The following N4BP2L2 variants were observed in gnomAD, a reference collection of about 807,000 sequenced individuals.
The protein encoded by N4BP2L2 is NEDD4 binding protein 2 like 2.
N4BP2L2 carries 50 observed loss-of-function variants against 56.2 expected under a neutral mutation model. The observed-to-expected ratio is 0.89, with a 90% CI of 0.71 to 1.13. The LOEUF is 1.13. Among genes scored for constraint, N4BP2L2 ranks in the 50% most tolerant of loss-of-function variants. The pLI is 0.00. For synonymous variants in N4BP2L2, 203 were observed against 223.6 expected (o/e 0.91, Z 0.82); for missense variants, 689 against 693.8 (o/e 0.99, Z 0.08).
intron 6 of N4BP2L2, among the ~76,000 whole-genome samples, chr13:32,446,057 C>A (rs188319870): frequency 3.3e-5 from 5 of 152,002 alleles, no homozygotes; most frequent in Non-Finnish European, 7.4e-5. Context: ...AGAGATGATG[C>A]GGAAAAGAGA....
chr13:32,465,973 A>G (rs1167342135), intron 6 of N4BP2L2, among the ~76,000 whole-genome samples: 1 of 152,116 alleles, frequency 6.6e-6, no homozygotes, highest in Non-Finnish European at 1.5e-5. Flanking sequence ...ATTAACTGCT[A>G]GGTATGTGAG....
intron 6 of N4BP2L2, among the ~76,000 whole-genome samples, chr13:32,454,834 C>G (rs1365928954): frequency 6.6e-6 from 1 of 152,096 alleles, no homozygotes; most frequent in African/African-American, 2.4e-5. Flanking sequence ...TGGAATTCAA[C>G]AGAGAAATTA....
exon 2 of N4BP2L2, chr13:32,535,944 T>C (rs777699945): frequency 6.2e-7 from 1 of 1,614,064 alleles, no homozygotes; most frequent in East Asian, 2.2e-5. Context: ...AAACCATTAC[T>C]CACATATCGA....
chr13:32,520,922 G>T (rs955183728), intron 5 of N4BP2L2, among the ~76,000 whole-genome samples: 1 of 152,114 alleles, frequency 6.6e-6, no homozygotes, highest in Admixed American at 6.5e-5. Context: ...CAGATTCTTT[G>T]TTATTTACTT....
At chr13:32,508,213 T>C (rs997618814), downstream of N4BP2L2, 6 of 152,142 alleles carry the variant, frequency 3.9e-5, no homozygotes, top group African/African-American at 1.2e-4. Context: ...AAAATGGAGT[T>C]GGTTCAATAT....
At chr13:32,458,879 A>G (rs111257459) in intron 6 of N4BP2L2, among the ~76,000 whole-genome samples, 8,749 of 152,298 alleles carry the variant, frequency 0.057, 853 homozygotes, top group African/African-American at 0.2. Context: ...AGGATAGACC[A>G]CATGTTGGGC....
At chr13:32,467,727 G>A (rs192080887) in intron 6 of N4BP2L2, among the ~76,000 whole-genome samples, 12 of 151,592 alleles carry the variant, frequency 7.9e-5, no homozygotes, top group African/African-American at 2.2e-4. Flanking sequence ...GGTGGCTCAC[G>A]CTTGTAATCC....
intron 8 of N4BP2L2, chr13:32,438,631 C>T (rs774337407): frequency 2.0e-6 from 3 of 1,535,926 alleles, no homozygotes; most frequent in South Asian, 1.1e-5. Context: ...TACATACACA[C>T]ACACACACAC....
chr13:32,470,537 G>A (rs2082104545), intron 6 of N4BP2L2, among the ~76,000 whole-genome samples: 1 of 152,146 alleles, frequency 6.6e-6, no homozygotes, highest in African/African-American at 2.4e-5. Flanking sequence ...GAGGCACTTG[G>A]GAGTGACAGT....
At chr13:32,495,031 A>T (rs2088208791) in intron 6 of N4BP2L2, among the ~76,000 whole-genome samples, 1 of 152,144 alleles carries the variant, frequency 6.6e-6, no homozygotes, top group South Asian at 2.1e-4. Context: ...GGAAAGATAG[A>T]GGGTGTAAAT....
At chr13:32,500,318 T>C (rs941763540) in intron 6 of N4BP2L2, among the ~76,000 whole-genome samples, 3 of 152,216 alleles carry the variant, frequency 2.0e-5, no homozygotes, top group Admixed American at 2.0e-4. Flanking sequence ...TACTGAATGC[T>C]ACCTATCCTG....
At chr13:32,532,744 C>G (rs1298844152) in intron 2 of N4BP2L2, among the ~76,000 whole-genome samples, 1 of 151,834 alleles carries the variant, frequency 6.6e-6, no homozygotes, top group South Asian at 2.1e-4. Context: ...GCACATGCCA[C>G]CACGCCCAGC....
rs572398448 is a variant in N4BP2L2, at chr13:32,446,269, T to C, written c.366-2143A>G. 2.0e-4 allele frequency: 178 copies of C among 877,308 alleles called. 3 individuals carry two copies. The South Asian group carries it at 2.4e-3, about 12-fold the overall frequency. The allele number at this position is 877,308 out of a possible 1,614,324, so 54.3% of individuals were successfully genotyped here. ...ATACTCTAAGGAACACTAATGTACC[T>C]AGAAACAGTTGTGATGGGGCCTCTA... On this transcript the variant is annotated intron_variant, in intron 6 of 9. Coordinates refer to the N4BP2L2 transcript ENST00000357505.
At chr13:32,517,118 C>G (rs1478830361) in exon 6 of N4BP2L2, 10 of 984,136 alleles carry the variant, frequency 1.0e-5, no homozygotes, top group Non-Finnish European at 1.2e-5. Context: ...CACTTTATCC[C>G]TTCAAGAACT....
rs148189622 is a variant in N4BP2L2, at chr13:32,533,983, C to T, written c.1259+1786G>A. Among the ~76,000 whole-genome samples, 5 of 152,276 alleles carry T rather than the reference C, an allele frequency of 3.3e-5. No homozygotes were observed. In the East Asian group the frequency reaches 7.7e-4, roughly 23 times the overall value. On this transcript the variant is annotated intron_variant, in intron 2 of 5. Transcript: ENST00000267068. Reference sequence around the variant, plus strand: ...CGTATAAGACTACACAACCATTAAGCATTACAGTGAAGGCAAGGGAAAAAC... The same window carrying T: ...CGTATAAGACTACACAACCATTAAGTATTACAGTGAAGGCAAGGGAAAAAC...
At chr13:32,435,527 C>A (rs904958467) in intron 9 of N4BP2L2, among the ~76,000 whole-genome samples, 1 of 152,174 alleles carries the variant, frequency 6.6e-6, no homozygotes, top group African/African-American at 2.4e-5. Flanking sequence ...AGCCACCACA[C>A]CTGGCCACAT....
intron 5 of N4BP2L2, 63 bp from the exon 6 acceptor site, chr13:32,518,066 GT>G: frequency 7.0e-7 from 1 of 1,437,882 alleles, no homozygotes; most frequent in Non-Finnish European, 9.3e-7. Flanking sequence ...GAGATTAACT[GT>G]TTTAGAGAAA....
chr13:32,517,356 T>C (rs1594018851), exon 6 of N4BP2L2: 3 of 987,980 alleles, frequency 3.0e-6, no homozygotes, highest in African/African-American at 1.7e-5. Context: ...ACCTGTCTAA[T>C]GAATAGAGAA....
intron 3 of N4BP2L2, among the ~76,000 whole-genome samples, chr13:32,526,614 G>A (rs947185731): frequency 2.0e-5 from 3 of 151,978 alleles, no homozygotes; most frequent in Non-Finnish European, 4.4e-5. Context: ...CATAATAAAA[G>A]CTATTTGTTT....
Sources: gnomAD v4.1 joint callset for allele counts (sites outside exome capture counted in the v4.1 genomes callset) on GRCh38, gnomAD v4.1.1 for gene constraint, MANE v1.5 for transcripts, NCBI Gene and HGNC (gene_info 2026-07-23, HGNC 2026-07-21) for gene names.